MTARC1: variants seen among roughly 807,000 people sequenced by gnomAD.
MTARC1 encodes the protein mitochondrial amidoxime-reducing component 1.
Under a neutral mutation model 33.6 loss-of-function variants are expected in MTARC1, and 24 were observed. The observed-to-expected ratio is 0.72, with a 90% CI of 0.52 to 1.01. The LOEUF is 1.01. Among genes scored for constraint, MTARC1 ranks in the 50% least tolerant of loss-of-function variants. The probability of loss-of-function intolerance (pLI) is 0.00; values close to 1 mark genes in which losing one functional copy is unlikely to be tolerated. For missense variants in MTARC1, 417 were observed against 445.7 expected (o/e 0.94, Z 0.58); for synonymous variants, 187 against 189.5 (o/e 0.99, Z 0.11).
chr1:220,789,403 T>G (rs1455584418), intron 1 of MTARC1, among the ~76,000 whole-genome samples: 11 of 152,016 alleles, frequency 7.2e-5, no homozygotes, highest in South Asian at 2.1e-4. Context: ...GGGCCACACA[T>G]AAAATACACT....
intron 4 of MTARC1, chr1:220,798,449 T>C: frequency 1.0e-6 from 1 of 985,434 alleles, no homozygotes; most frequent in Non-Finnish European, 1.2e-6. Flanking sequence ...TGGGAGAGGT[T>C]GTTGCCCCTA....
intron 6 of MTARC1, among the ~76,000 whole-genome samples, chr1:220,809,306 C>A (rs1335806419): frequency 6.6e-6 from 1 of 152,108 alleles, no homozygotes; most frequent in Admixed American, 6.5e-5. Context: ...ATGTAAGCTG[C>A]GGTCATTGAG....
chr1:220,808,181 C>T (rs529065067), intron 6 of MTARC1, among the ~76,000 whole-genome samples: 6 of 152,182 alleles, frequency 3.9e-5, no homozygotes, highest in African/African-American at 7.2e-5. Flanking sequence ...AAGCACTTCA[C>T]GTGTTTGGGC....
rs1346035121 is a variant in MTARC1, at chr1:220,798,625, T to C, written c.753+611T>C. 4.2e-6 allele frequency: 4 copies of C among 959,110 alleles called. No individual in the cohort carries two copies. In the Admixed American group the frequency reaches 2.5e-4, roughly 59 times the overall value. The allele number at this position is 959,110 out of a possible 1,614,324, so 59.4% of individuals were successfully genotyped here. ...AATAAATGGCCTTTGGCTATTTAAC[T>C]TGATTCTCTCCCTGGGCTTCCATGA... On this transcript the variant is annotated intron_variant, in intron 4 of 6. Transcript: ENST00000366910.
rs2102613570 is a variant in MTARC1 at position 220,813,614 on chromosome 1, C to T, written c.*196C>T. 3 of 635,238 alleles carry T rather than the reference C, an allele frequency of 4.7e-6. No homozygotes were observed. The East Asian group carries it at 9.0e-5, about 19-fold the overall frequency. The allele number at this position is 635,238 out of a possible 1,614,324, so 39.4% of individuals were successfully genotyped here. A position where few individuals can be genotyped will look rare whatever the true frequency, so the allele number is the denominator to read the frequency against. ...TGCAAAAAGTAAAGAAATATAGTCT[C>T]AATAACTTAGTAGGACTTCAGTAAG... On this transcript the variant is annotated 3_prime_UTR_variant, in exon 7 of 7. Coordinates refer to ENST00000366910, the MANE Select transcript of MTARC1 (RefSeq NM_022746.4).
Position 220,797,887 on chromosome 1 carries a change from A to G in MTARC1, c.626A>G (p.Asp209Gly). ...FRPKDQIAYS[D>G]TSPFLILSEA... ...TTTCCTTATCAGATTGCTTACTCAGACACCAGCCCATTCTTGATCCTTTCT... is the reference window on the plus strand; with the variant it reads ...TTTCCTTATCAGATTGCTTACTCAGGCACCAGCCCATTCTTGATCCTTTCT... Residue 209 changes from aspartate to glycine, a missense_variant, in exon 4 of 7, where the codon GAC becomes GGC. Coordinates refer to ENST00000366910, the MANE Select transcript of MTARC1 (RefSeq NM_022746.4). The G allele has an allele frequency of 6.2e-7, 1 of 1,614,230 alleles. No individual in the cohort carries two copies. The highest frequency in any genetic ancestry group is 8.5e-7 in the Non-Finnish European group (1 of 1,180,046).
At chr1:220,799,202 C>T in intron 4 of MTARC1, 1 of 977,250 alleles carries the variant, frequency 1.0e-6, no homozygotes. Context: ...GCTAATGCTT[C>T]ATATAAAATA....
intron 1 of MTARC1, among the ~76,000 whole-genome samples, chr1:220,790,348 T>A (rs1167282729): frequency 6.6e-6 from 1 of 151,878 alleles, no homozygotes; most frequent in East Asian, 1.9e-4. Flanking sequence ...TGTTTAGGAG[T>A]TGGTTTTATC....
intron 6 of MTARC1, among the ~76,000 whole-genome samples, chr1:220,806,925 G>A (rs1217250237): frequency 6.6e-6 from 1 of 152,200 alleles, no homozygotes; most frequent in Non-Finnish European, 1.5e-5. Context: ...GGAATCCTTA[G>A]GTGGATAGCA....
At chr1:220,787,349 T>G (rs764091369) in intron 1 of MTARC1, 130 bp downstream of exon 1, 9 of 1,335,418 alleles carry the variant, frequency 6.7e-6, no homozygotes, top group Non-Finnish European at 7.7e-6. Flanking sequence ...AAACTGGGAG[T>G]TGGGTGAGAC....
intron 3 of MTARC1, 63 bp downstream of exon 3, chr1:220,796,868 G>A (rs1672638963): frequency 2.0e-6 from 3 of 1,508,194 alleles, no homozygotes; most frequent in Non-Finnish European, 2.7e-6. Context: ...GGGCTCAGGT[G>A]GCATCTCTGA....
chr1:220,791,814 A>T, intron 2 of MTARC1, 150 bp downstream of exon 2: 1 of 832,126 alleles, frequency 1.2e-6, no homozygotes, highest in Non-Finnish European at 1.8e-6. Context: ...CCTCAACATT[A>T]TGAAGATCTA....
At chr1:220,805,589 G>C (rs573798834) in intron 6 of MTARC1, among the ~76,000 whole-genome samples, 1 of 152,288 alleles carries the variant, frequency 6.6e-6, no homozygotes, top group South Asian at 2.1e-4. Context: ...AAATGTACTA[G>C]GTGTCCTAAT....
intron 6 of MTARC1, among the ~76,000 whole-genome samples, chr1:220,808,390 C>T (rs1287921160): frequency 2.0e-5 from 3 of 152,330 alleles, no homozygotes; most frequent in South Asian, 4.1e-4. Flanking sequence ...GGAGACAGTG[C>T]GGCCAGCCTA....
chr1:220,803,382 G>T (rs1171927813), intron 4 of MTARC1, among the ~76,000 whole-genome samples: 3 of 152,136 alleles, frequency 2.0e-5, no homozygotes, highest in Non-Finnish European at 2.9e-5. Context: ...ATGAGATTTG[G>T]GTGGAGACAC....
chr1:220,808,252 G>C (rs1273565339), intron 6 of MTARC1, among the ~76,000 whole-genome samples: 1 of 152,176 alleles, frequency 6.6e-6, no homozygotes, highest in Non-Finnish European at 1.5e-5. Flanking sequence ...TATAGAAGGA[G>C]GATAATTGAC....
chr1:220,787,168 G>A lies in MTARC1; in HGVS notation c.224G>A (p.Ser75Asn), dbSNP rs1178962895. The change falls in exon 1 of 7, where the codon AGC becomes AAC. Residue 75 changes from serine (S) to asparagine (N), a missense_variant. By Grantham distance (46) the Ser-to-Asn change is conservative (BLOSUM62 1). Coordinates refer to ENST00000366910, the MANE Select transcript of MTARC1 (RefSeq NM_022746.4). ...PVKSCKGVPV[S>N]EAECTAMGLR... ...AAATCCTGCAAGGGGGTGCCGGTGA[G>A]CGAGGCGGAGTGCACGGCCATGGGG... 6.3e-7 allele frequency: 1 copy of A among 1,579,764 alleles called. No individual in the cohort carries two copies. The highest frequency in any genetic ancestry group is 1.2e-5 in the South Asian group (1 of 86,496).
chr1:220,795,991 C>T (rs1335313818), intron 2 of MTARC1, among the ~76,000 whole-genome samples: 2 of 152,100 alleles, frequency 1.3e-5, no homozygotes, highest in African/African-American at 4.8e-5. Flanking sequence ...ATTTTCCTCT[C>T]CATAGCTGTG....
chr1:220,813,164 T>G, intron 6 of MTARC1, 128 bp from the exon 7 acceptor site: 63 of 1,286,660 alleles, frequency 4.9e-5, no homozygotes, highest in Non-Finnish European at 5.2e-5. Flanking sequence ...GCTGTTCTGT[T>G]GAGCTTTGAC....
Sources: allele counts gnomAD v4.1 joint callset (sites outside exome capture counted in the v4.1 genomes callset), GRCh38; gene constraint gnomAD v4.1.1; transcripts MANE v1.5; gene names NCBI Gene and HGNC (gene_info 2026-07-23, HGNC 2026-07-21).